ACOT11: variants seen among roughly 807,000 people sequenced by gnomAD.
The protein encoded by ACOT11 is acyl-CoA thioesterase 11.
In ACOT11, 69 loss-of-function variants were observed where a neutral mutation model predicts 77.5. The observed-to-expected ratio is 0.89, with a 90% confidence interval of 0.73 to 1.09. The LOEUF (loss-of-function observed/expected upper bound fraction) is 1.09, where lower values mean the gene tolerates loss of function less well. ACOT11 is among the 50% of genes least tolerant of loss of function. The probability of loss-of-function intolerance (pLI) is 0.00; values close to 1 mark genes in which losing one functional copy is unlikely to be tolerated. For synonymous variants in ACOT11, 279 were observed against 313.0 expected (o/e 0.89, Z 1.15); for missense variants, 766 against 813.7 (o/e 0.94, Z 0.71).
At chr1:54,591,039 T>C (rs1371369375) in intron 3 of ACOT11, among the ~76,000 whole-genome samples, 1 of 152,114 alleles carries the variant, frequency 6.6e-6, no homozygotes, top group Admixed American at 6.6e-5. Context: ...ATTACAGACA[T>C]AATATATACA....
intron 1 of ACOT11, among the ~76,000 whole-genome samples, chr1:54,574,416 G>A (rs1463469080): frequency 2.0e-5 from 3 of 152,180 alleles, no homozygotes; most frequent in East Asian, 1.9e-4. Context: ...CTGTGAGGGC[G>A]CGGCTCAGGC....
At chr1:54,578,629 G>C (rs972957643) in intron 1 of ACOT11, among the ~76,000 whole-genome samples, 1 of 151,928 alleles carries the variant, frequency 6.6e-6, no homozygotes, top group Non-Finnish European at 1.5e-5. Context: ...TTTAGGAGGA[G>C]AAAGTTTATT....
chr1:54,595,145 A>G (rs1404165714), intron 6 of ACOT11, among the ~76,000 whole-genome samples: 1 of 152,114 alleles, frequency 6.6e-6, no homozygotes, highest in African/African-American at 2.4e-5. Flanking sequence ...CCAGGAGTTC[A>G]AGACCAGCCT....
At chr1:54,559,049 C>A (rs531711387) in intron 1 of ACOT11, among the ~76,000 whole-genome samples, 2 of 152,270 alleles carry the variant, frequency 1.3e-5, no homozygotes, top group South Asian at 4.1e-4. Context: ...AAAGGCTCAG[C>A]CCCCGTGAGA....
intron 3 of ACOT11, among the ~76,000 whole-genome samples, chr1:54,587,411 G>A (rs1654542371): frequency 6.6e-6 from 1 of 151,764 alleles, no homozygotes; most frequent in Non-Finnish European, 1.5e-5. Context: ...CTACTCGGGA[G>A]GCTGAGGCAG....
intron 15 of ACOT11, among the ~76,000 whole-genome samples, chr1:54,615,744 A>G (rs1475815167): frequency 1.3e-5 from 2 of 152,058 alleles, no homozygotes; most frequent in Admixed American, 6.6e-5. Context: ...TACAGGAGGG[A>G]GCACTCTGAG....
At chr1:54,611,679 C>A (rs777943902), downstream of ACOT11, 1 of 1,613,952 alleles carries the variant, frequency 6.2e-7, no homozygotes, top group Non-Finnish European at 8.5e-7. Flanking sequence ...CAGTGTTATC[C>A]CGGACGTAGA....
At chr1:54,594,097 G>A in intron 5 of ACOT11, 58 bp downstream of exon 5, 3 of 1,504,266 alleles carry the variant, frequency 2.0e-6, no homozygotes, top group Non-Finnish European at 2.8e-6. Context: ...ACCTGCCATG[G>A]CGAGTCTGGC....
At chr1:54,629,440 C>T (rs1042328514) in intron 15 of ACOT11, among the ~76,000 whole-genome samples, 1 of 131,354 alleles carries the variant, frequency 7.6e-6, no homozygotes, top group African/African-American at 2.6e-5. Flanking sequence ...ATACATGCCA[C>T]CACACCCGGC....
At chr1:54,612,645 TAGA>T, downstream of ACOT11, 1 of 1,614,044 alleles carries the variant, frequency 6.2e-7, no homozygotes, top group East Asian at 2.2e-5. Flanking sequence ...CGTGGACATG[TAGA>T]AGGTGGTCCA....
intron 15 of ACOT11, among the ~76,000 whole-genome samples, chr1:54,619,323 G>C (rs1011246646): frequency 6.6e-6 from 1 of 152,216 alleles, no homozygotes; most frequent in Non-Finnish European, 1.5e-5. Context: ...CTTGGAGCGT[G>C]CACTCTGGGA....
In ACOT11 at chr1:54,605,190, G is replaced by C. The variant is rs775091771; in HGVS notation, c.1351G>C (p.Glu451Gln). Reference sequence around the variant, plus strand: ...GCTCTCGGACCTGCGTCAGAGGCCAGAGTGGGACAAGCACTACCGGTGAGG... The same window carrying C: ...GCTCTCGGACCTGCGTCAGAGGCCACAGTGGGACAAGCACTACCGGTGAGG... Reference protein sequence around the residue: ...LLLSDLRQRPEWDKHYRSVEL... With the variant: ...LLLSDLRQRPQWDKHYRSVEL... Residue 451 changes from glutamate (E) to glutamine (Q), a missense_variant, in exon 13 of 16, where the codon GAG (glutamate) becomes CAG (glutamine). By Grantham distance (29) the Glu-to-Gln change is conservative. Coordinates refer to ENST00000343744, the MANE Select transcript of ACOT11 (RefSeq NM_147161.4). The C allele has an allele frequency of 6.2e-7, 1 of 1,613,538 alleles. No homozygotes were observed. The highest frequency in any genetic ancestry group is 2.2e-5 in the East Asian group (1 of 44,882).
At chr1:54,574,620 T>TTGAA (rs1449069341) in intron 1 of ACOT11, among the ~76,000 whole-genome samples, 3 of 152,156 alleles carry the variant, frequency 2.0e-5, no homozygotes, top group African/African-American at 7.2e-5. Context: ...TGCTCACTTG[T>TTGAA]TGAATGAATG....
chr1:54,595,859 C>T (rs771638764), intron 6 of ACOT11, among the ~76,000 whole-genome samples: 3 of 152,230 alleles, frequency 2.0e-5, no homozygotes, highest in East Asian at 1.9e-4. Flanking sequence ...CAAAAGGAGG[C>T]GATCTTAGAA....
At chr1:54,567,035 C>T (rs1021728949) in intron 1 of ACOT11, among the ~76,000 whole-genome samples, 1 of 152,156 alleles carries the variant, frequency 6.6e-6, no homozygotes, top group African/African-American at 2.4e-5. Flanking sequence ...ACCACAACGT[C>T]TCAAAATCCT....
chr1:54,580,227 C>G (rs1040715777), intron 1 of ACOT11, among the ~76,000 whole-genome samples: 11 of 152,324 alleles, frequency 7.2e-5, no homozygotes, highest in African/African-American at 2.6e-4. Flanking sequence ...TGTGCACAGC[C>G]TGTGTCAGGG....
chr1:54,623,693 G>C (rs1400037341), intron 15 of ACOT11: 1 of 268,364 alleles, frequency 3.7e-6, no homozygotes, highest in Non-Finnish European at 7.0e-6. Context: ...ATGTTGGACC[G>C]AGCCCCGACC....
Position 54,599,607 on chromosome 1 carries a change from A to C in ACOT11, c.884+192A>C, listed in dbSNP as rs184849627. On this transcript the variant is annotated intron_variant, in intron 8 of 15. Transcript: ENST00000343744. The stretch of plus-strand genomic sequence containing the variant: ...TTCTTGGGAGCCTTCCCTGGCTCCC[A>C]GTCCTGCCCACCCCTGGCTGGGTCA... 3.4e-3 allele frequency: 1,859 copies of C among 547,648 alleles called. 29 individuals carry two copies. Among genetic ancestry groups the C allele is most frequent in the African/African-American group, 0.033 (1,695 of 51,106 alleles). 33.9% of individuals were successfully genotyped at this position (547,648 alleles called of 1,614,324 possible).
chr1:54,617,178 A>G (rs1208193365), intron 15 of ACOT11, among the ~76,000 whole-genome samples: 2 of 152,132 alleles, frequency 1.3e-5, no homozygotes, highest in Non-Finnish European at 2.9e-5. Flanking sequence ...TGCCTTCAAG[A>G]ATTCAGTCTA....
Sources: gnomAD v4.1 joint callset for allele counts (sites outside exome capture counted in the v4.1 genomes callset) on GRCh38, gnomAD v4.1.1 for gene constraint, MANE v1.5 for transcripts, NCBI Gene and HGNC (gene_info 2026-07-23, HGNC 2026-07-21) for gene names.